ANLN: variants seen among roughly 807,000 people sequenced by gnomAD.
The protein encoded by ANLN is anillin, actin binding protein, also known as anillin.
In ANLN, 59 loss-of-function variants were observed where a neutral mutation model predicts 135.1. The ratio of observed to expected loss-of-function variants is 0.44; its 90% CI spans 0.35 to 0.54. ANLN has a LOEUF of 0.54. ANLN is among the 20% of genes least tolerant of loss of function. The pLI, the probability that ANLN is intolerant of heterozygous loss-of-function variation, is 0.00. For missense variants in ANLN, 1,182 were observed against 1,340.0 expected, an observed-to-expected ratio of 0.88 and a Z score of 1.84; for synonymous variants, 406 against 456.4, an observed-to-expected ratio of 0.89 and a Z score of 1.41.
At chr7:36,402,841 C>T (rs1030901474) in intron 3 of ANLN, among the ~76,000 whole-genome samples, 3 of 152,152 alleles carry the variant, frequency 2.0e-5, no homozygotes, top group Non-Finnish European at 2.9e-5. Flanking sequence ...CCTCCCTGAC[C>T]ACCACTTTAC....
chr7:36,438,573 T>C (rs1287130846), intron 20 of ANLN, among the ~76,000 whole-genome samples: 2 of 152,302 alleles, frequency 1.3e-5, no homozygotes, highest in East Asian at 3.9e-4. Flanking sequence ...GGTCTCGCTA[T>C]GTTACCCAGG....
chr7:36,398,717 C>T (rs190712100), intron 2 of ANLN, among the ~76,000 whole-genome samples: 281 of 152,114 alleles, frequency 1.8e-3, no homozygotes, highest in African/African-American at 6.2e-3. Flanking sequence ...ACACATCACC[C>T]GAGCAGTATA....
At chr7:36,441,232 G>A (rs745492425) in intron 21 of ANLN, among the ~76,000 whole-genome samples, 6 of 152,228 alleles carry the variant, frequency 3.9e-5, no homozygotes, top group Admixed American at 3.3e-4. Context: ...TGCATATAAC[G>A]TCTCACCTAA....
intron 20 of ANLN, among the ~76,000 whole-genome samples, chr7:36,432,263 C>T (rs893235116): frequency 6.6e-6 from 1 of 152,140 alleles, no homozygotes; most frequent in African/African-American, 2.4e-5. Context: ...CTTGTTCAGG[C>T]AGATATCCTT....
intron 3 of ANLN, among the ~76,000 whole-genome samples, chr7:36,399,961 A>G (rs1362429173): frequency 1.3e-5 from 2 of 151,948 alleles, no homozygotes; most frequent in Non-Finnish European, 2.9e-5. Context: ...GGTATGATCA[A>G]TTTCACTTAT....
intron 7 of ANLN, among the ~76,000 whole-genome samples, chr7:36,413,836 CA>C (rs3837110): frequency 0.13 from 19,115 of 151,550 alleles, 1,233 homozygotes; most frequent in East Asian, 0.18. Context: ...ACTAAAAATA[CA>C]AAAAAAATTA....
chr7:36,393,081 T>C (rs1583586354), intron 1 of ANLN, among the ~76,000 whole-genome samples: 2 of 151,760 alleles, frequency 1.3e-5, no homozygotes, highest in South Asian at 2.1e-4. Context: ...TGGAGCTCAA[T>C]GGTGCGATCT....
At chr7:36,435,946 A>G (rs1788531700) in intron 20 of ANLN, among the ~76,000 whole-genome samples, 1 of 151,092 alleles carries the variant, frequency 6.6e-6, no homozygotes, top group Admixed American at 6.6e-5. Flanking sequence ...CATTGTTTTC[A>G]AAAAATAATG....
chr7:36,432,052 T>C (rs1583641743), intron 20 of ANLN, among the ~76,000 whole-genome samples: 1 of 152,108 alleles, frequency 6.6e-6, no homozygotes, highest in African/African-American at 2.4e-5. Flanking sequence ...CAGTTTTTTT[T>C]CATCAAAGAA....
chr7:36,422,004 G>T lies in ANLN; in HGVS notation c.2299+12G>T, dbSNP rs1787895681. 3 of 1,602,642 alleles carry T rather than the reference G, an allele frequency of 1.9e-6. No individual in the cohort carries two copies. The East Asian group carries it at 6.7e-5, about 36-fold the overall frequency. On this transcript the variant is annotated intron_variant, in intron 13 of 23. Transcript: ENST00000265748. Reference sequence around the variant, plus strand: ...TCTTCTAATTGCAAGTAAGTGTGATGCACCTGAAAGAGTTCCAACAAATTT... The same window carrying T: ...TCTTCTAATTGCAAGTAAGTGTGATTCACCTGAAAGAGTTCCAACAAATTT...
intron 13 of ANLN, 145 bp from the exon 14 acceptor site, chr7:36,422,488 C>A: frequency 2.9e-6 from 2 of 699,394 alleles, no homozygotes; most frequent in Non-Finnish European, 4.4e-6. Context: ...TTTCCCCAAC[C>A]ACCTACCATG....
rs587777741 is a variant in ANLN at position 36,411,062 on chromosome 7, C to T, written c.1291C>T (p.Arg431Cys). The stretch of plus-strand genomic sequence containing the variant: ...ATACAGCTTTTGATGGGTTTAGGAA[C>T]GTCAAAAAGAACTAGCATGTCTTCG... Reference protein sequence around the residue: ...THLAQQLKQERQKELACLRGR... With the variant: ...THLAQQLKQECQKELACLRGR... The change falls in exon 7 of 24, where the codon CGT (arginine) becomes TGT (cysteine). Residue 431 changes from arginine to cysteine, a missense_variant. Coordinates refer to ENST00000265748, the MANE Select transcript of ANLN (RefSeq NM_018685.5). 3.9e-5 allele frequency: 63 copies of T among 1,603,632 alleles called. No individual in the cohort carries two copies. The highest frequency in any genetic ancestry group is 5.2e-5 in the Non-Finnish European group (61 of 1,177,540).
Position 36,449,699 on chromosome 7 carries a change from C to G in ANLN, c.3113C>G (p.Thr1038Ser). The change falls in exon 23 of 24, where the codon ACC becomes AGC. Residue 1038 changes from threonine (T) to serine (S), a missense_variant. Transcript: ENST00000265748. ...GGAAGGATAAATCTGGCTAATTGTACCAGTCGTCAGATAGAACCAGCCAAC... is the reference window on the plus strand; with the variant it reads ...GGAAGGATAAATCTGGCTAATTGTAGCAGTCGTCAGATAGAACCAGCCAAC... Reference protein sequence around the residue: ...PIGRINLANCTSRQIEPANRE... With the variant: ...PIGRINLANCSSRQIEPANRE... The G allele has an allele frequency of 1.2e-6, 2 of 1,613,094 alleles. No individual in the cohort carries two copies. Among genetic ancestry groups the G allele is most frequent in the Non-Finnish European group, 1.7e-6 (2 of 1,179,496 alleles).
chr7:36,442,668 G>T (rs1046568122), intron 21 of ANLN, among the ~76,000 whole-genome samples: 2 of 151,756 alleles, frequency 1.3e-5, no homozygotes, highest in East Asian at 3.9e-4. Flanking sequence ...GTCTCACTCT[G>T]TCACCCAGGC....
intron 22 of ANLN, among the ~76,000 whole-genome samples, chr7:36,447,267 C>A (rs1348076360): frequency 6.6e-6 from 1 of 151,978 alleles, no homozygotes; most frequent in African/African-American, 2.4e-5. Flanking sequence ...GATTTTTTTT[C>A]TCTCCTTATT....
At chr7:36,396,831 C>T (rs117433815) in intron 2 of ANLN, among the ~76,000 whole-genome samples, 3,031 of 152,192 alleles carry the variant, frequency 0.02, 49 homozygotes, top group Middle Eastern at 0.051. Flanking sequence ...GCACACTGCC[C>T]ATGCTTGACA....
At chr7:36,392,022 G>T (rs532904007) in intron 1 of ANLN, among the ~76,000 whole-genome samples, 11 of 151,922 alleles carry the variant, frequency 7.2e-5, no homozygotes, top group Admixed American at 2.0e-4. Flanking sequence ...AACGTCAAGA[G>T]TTTGAAGCTC....
rs1789294284 is a variant in ANLN at position 36,452,612 on chromosome 7, T to G, written c.*12T>G. 1 of 1,613,496 alleles carries G rather than the reference T, an allele frequency of 6.2e-7. No individual in the cohort carries two copies. On this transcript the variant is annotated 3_prime_UTR_variant, in exon 24 of 24. Transcript: ENST00000265748. ...TTGGAAAGCCTTAAACCGGGAAATT[T>G]CCATGCTATCTAGAGGTTTTTGATG...
intron 20 of ANLN, among the ~76,000 whole-genome samples, chr7:36,437,777 T>A (rs1007149989): frequency 1.3e-5 from 2 of 150,054 alleles, no homozygotes; most frequent in African/African-American, 2.4e-5. Flanking sequence ...TTATTTTATT[T>A]TAAAAATTTT....
Sources: gnomAD v4.1 joint callset for allele counts (sites outside exome capture counted in the v4.1 genomes callset) on GRCh38, gnomAD v4.1.1 for gene constraint, MANE v1.5 for transcripts, NCBI Gene and HGNC (gene_info 2026-07-23, HGNC 2026-07-21) for gene names.